The following TOMT variants were observed in gnomAD, a reference collection of about 807,000 sequenced individuals.
The protein encoded by TOMT is transmembrane O-methyltransferase.
TOMT carries 23 observed loss-of-function variants against 21.7 expected under a neutral mutation model. That is an observed-to-expected ratio of 1.06 (90% confidence interval 0.76 to 1.50). The LOEUF (loss-of-function observed/expected upper bound fraction) is 1.50. TOMT is among the 40% of genes most tolerant of loss of function. TOMT has a pLI of 0.00. For missense variants in TOMT, 331 were observed against 348.7 expected, an observed-to-expected ratio of 0.95 and a Z score of 0.41; for synonymous variants, 132 against 150.8, an observed-to-expected ratio of 0.88 and a Z score of 0.91.
chr11:72,109,162 CA>C, exon 3 of TOMT: 1 of 549,256 alleles, frequency 1.8e-6, no homozygotes, highest in South Asian at 2.0e-5. Flanking sequence ...GGACTGACAG[CA>C]AGAAGCCTGA....
Position 72,106,228 on chromosome 11 carries a change from T to G in TOMT, c.259+18T>G. ...TGTCAAAGGTCAGTGTTCCCTAGCCTTCTGCTCCAAGAAGTACCCCCAAGA... is the reference window on the plus strand; with the variant it reads ...TGTCAAAGGTCAGTGTTCCCTAGCCGTCTGCTCCAAGAAGTACCCCCAAGA... On this transcript the variant is annotated intron_variant, in intron 1 of 2. Coordinates refer to ENST00000541899, the Ensembl canonical transcript of TOMT. The G allele has an allele frequency of 6.9e-7, 1 of 1,458,494 alleles. No individual in the cohort carries two copies. The allele number at this position is 1,458,494 out of a possible 1,614,324, so 90.3% of individuals were successfully genotyped here.
chr11:72,108,871 C>G, exon 3 of TOMT: 1 of 1,550,314 alleles, frequency 6.5e-7, no homozygotes, highest in Non-Finnish European at 8.7e-7. Flanking sequence ...GCCTTCCAGA[C>G]TTCCCTGCCA....
rs1946014043 is a variant in TOMT at position 72,108,829 on chromosome 11, T to TG, written c.683dup (p.Arg229ProfsTer40). The TG allele has an allele frequency of 6.4e-7, 1 of 1,550,634 alleles. No homozygotes were observed. The highest frequency in any genetic ancestry group is 8.7e-7 in the Non-Finnish European group (1 of 1,146,976). On this transcript the variant is annotated frameshift_variant, in exon 3 of 3. Transcript: ENST00000541899. LOFTEE classifies it high-confidence loss of function. ...GCTTCTTGCAGTATGCTAAGAGCTG[T>TG]GGCCGCTACCGCTGCCGCCTCCACC...
intron 1 of TOMT, chr11:72,107,632 C>G: frequency 1.6e-6 from 1 of 642,480 alleles, no homozygotes; most frequent in Non-Finnish European, 2.8e-6. Context: ...GGATCAGGTC[C>G]AAGGTCCTGA....
intron 2 of TOMT, among the ~76,000 whole-genome samples, chr11:72,108,335 G>A (rs1945933197): frequency 6.6e-6 from 1 of 152,218 alleles, no homozygotes; most frequent in African/African-American, 2.4e-5. Context: ...AAGGTCTCTG[G>A]AACCCAGCAA....
chr11:72,108,455 A>C, intron 2 of TOMT, 150 bp from the exon 3 acceptor site: 1 of 654,594 alleles, frequency 1.5e-6, no homozygotes, highest in Non-Finnish European at 2.4e-6. Context: ...ACTGATCCTG[A>C]CTTCTTAGGT....
chr11:72,108,857 A>G (rs1203334324), exon 3 of TOMT: 1 of 1,550,292 alleles, frequency 6.5e-7, no homozygotes, highest in East Asian at 2.4e-5. Context: ...CCTCCACCAC[A>G]CTGGCCTTCC....
chr11:72,107,657 A>G, intron 1 of TOMT: 1 of 620,608 alleles, frequency 1.6e-6, no homozygotes. Context: ...CAGGCTGAGA[A>G]TCCCAAGTTC....
exon 3 of TOMT, chr11:72,108,800 C>G: frequency 6.4e-7 from 1 of 1,550,522 alleles, no homozygotes; most frequent in Non-Finnish European, 8.7e-7. Flanking sequence ...CCCTGGTGCA[C>G]CCCGCTTCTT....
Sources: allele counts gnomAD v4.1 joint callset (sites outside exome capture counted in the v4.1 genomes callset), GRCh38; gene constraint gnomAD v4.1.1; transcripts MANE v1.5; gene names NCBI Gene and HGNC (gene_info 2026-07-23, HGNC 2026-07-21).